The following CAMK4 variants were observed in gnomAD, a reference collection of about 807,000 sequenced individuals.
CAMK4 encodes the protein calcium/calmodulin-dependent protein kinase type IV.
CAMK4 carries 22 observed loss-of-function variants against 44.9 expected under a neutral mutation model. The ratio of observed to expected loss-of-function variants is 0.49; its 90% confidence interval spans 0.35 to 0.70. The LOEUF (loss-of-function observed/expected upper bound fraction) is 0.70, where lower values mean the gene tolerates loss of function less well. CAMK4 is among the 30% of genes least tolerant of loss of function. The pLI, the probability that CAMK4 is intolerant of heterozygous loss-of-function variation, is 0.01. For missense variants in CAMK4, 498 were observed against 586.8 expected (o/e 0.85, Z 1.56); for synonymous variants, 218 against 215.4 (o/e 1.01, Z -0.11).
intron 5 of CAMK4, among the ~76,000 whole-genome samples, chr5:111,417,408 G>C (rs1419882723): frequency 6.6e-6 from 1 of 152,040 alleles, no homozygotes; most frequent in East Asian, 1.9e-4. Flanking sequence ...TAGAGATGGG[G>C]TTTCACCATG....
chr5:111,418,841 G>T (rs1471896118), intron 5 of CAMK4, among the ~76,000 whole-genome samples: 2 of 152,074 alleles, frequency 1.3e-5, no homozygotes, highest in Non-Finnish European at 2.9e-5. Flanking sequence ...CCAGTCTATT[G>T]TTGTTGGACA....
At chr5:111,275,172 T>C (rs1750704607) in intron 1 of CAMK4, among the ~76,000 whole-genome samples, 2 of 152,154 alleles carry the variant, frequency 1.3e-5, no homozygotes, top group South Asian at 4.1e-4. Flanking sequence ...TTTTGAAATA[T>C]ACAATACATT....
chr5:111,300,863 G>A (rs1219093951), intron 1 of CAMK4, among the ~76,000 whole-genome samples: 1 of 152,148 alleles, frequency 6.6e-6, no homozygotes, highest in Non-Finnish European at 1.5e-5. Context: ...TTAGTCAAAT[G>A]GATATGCAGA....
intron 7 of CAMK4, among the ~76,000 whole-genome samples, chr5:111,465,431 A>G (rs146014101): frequency 2.6e-5 from 4 of 152,308 alleles, no homozygotes; most frequent in African/African-American, 7.2e-5. Context: ...GTTCTTTAAA[A>G]TAATAATTAA....
At chr5:111,326,508 C>T (rs1304550781) in intron 1 of CAMK4, among the ~76,000 whole-genome samples, 4 of 151,360 alleles carry the variant, frequency 2.6e-5, no homozygotes. Context: ...TTGAATTCTA[C>T]AAAAGCCTTA....
chr5:111,263,157 A>G (rs941187445), intron 1 of CAMK4, among the ~76,000 whole-genome samples: 4 of 152,220 alleles, frequency 2.6e-5, no homozygotes, highest in Non-Finnish European at 5.9e-5. Flanking sequence ...AATCTTGACT[A>G]TGTCAGGTGA....
chr5:111,339,652 G>C (rs1749556417), intron 1 of CAMK4, among the ~76,000 whole-genome samples: 1 of 151,372 alleles, frequency 6.6e-6, no homozygotes, highest in Non-Finnish European at 1.5e-5. Context: ...TTTGAAATCA[G>C]GTAGTGTGAT....
At chr5:111,310,816 T>G (rs1748171055) in intron 1 of CAMK4, among the ~76,000 whole-genome samples, 2 of 152,166 alleles carry the variant, frequency 1.3e-5, no homozygotes, top group Admixed American at 6.6e-5. Flanking sequence ...TGTTTCTTTT[T>G]GAGTATATGA....
Position 111,491,933 on chromosome 5 carries a change from GCAAA to G in CAMK4, c.*7470_*7473del, listed in dbSNP as rs1451054802. 2 of 152,072 alleles carry G rather than the reference GCAAA, an allele frequency of 1.3e-5. No individual in the cohort carries two copies. The highest frequency in any genetic ancestry group is 4.8e-5 in the African/African-American group (2 of 41,412). 9.4% of individuals were successfully genotyped at this position (152,072 alleles called of 1,614,324 possible). On this transcript the variant is annotated 3_prime_UTR_variant, in exon 11 of 11. Coordinates refer to ENST00000282356, the MANE Select transcript of CAMK4 (RefSeq NM_001744.6). ...TTCTCAACAATAGCTCAGGGAATAC[GCAAA>G]CAGCCAGCTCTTTTATGTAAGAAAG...
Position 111,484,389 on chromosome 5 carries a change from G to A in CAMK4, c.1345G>A (p.Ala449Thr). ...EKLKTVEEAA[A>T]PREGQGSSAV... ...GCTGAAGACTGTGGAGGAGGCAGCA[G>A]CTCCCAGAGAAGGGCAAGGAAGCTC... The change falls in exon 11 of 11, where the codon GCT becomes ACT. Residue 449 changes from alanine (A) to threonine (T), a missense_variant. Around this residue, in one of 3 missense-constraint regions of CAMK4, gnomAD observed 143 missense variants for 144.9 expected, o/e 0.99. Transcript: ENST00000282356. This position sits in a 1 kb window ranked among gnomAD's most constrained non-coding sequence, Gnocchi z 5.3. The A allele has an allele frequency of 6.3e-7, 1 of 1,589,088 alleles. No individual in the cohort carries two copies. The highest frequency in any genetic ancestry group is 1.4e-5 in the African/African-American group (1 of 73,858).
At chr5:111,443,558 A>T (rs1055937690) in intron 5 of CAMK4, among the ~76,000 whole-genome samples, 6 of 151,204 alleles carry the variant, frequency 4.0e-5, no homozygotes, top group African/African-American at 7.3e-5. Flanking sequence ...TCCTTCCTTT[A>T]TCTAGTCTAG....
At chr5:111,285,882 T>A (rs1427684046) in intron 1 of CAMK4, among the ~76,000 whole-genome samples, 1 of 152,220 alleles carries the variant, frequency 6.6e-6, no homozygotes, top group Non-Finnish European at 1.5e-5. Context: ...CATCCATTTC[T>A]CTGATAAAGT....
intron 1 of CAMK4, among the ~76,000 whole-genome samples, chr5:111,245,582 AT>A (rs1749197131): frequency 6.6e-6 from 1 of 152,152 alleles, no homozygotes; most frequent in Admixed American, 6.5e-5. Context: ...GACCCCTTCA[AT>A]TTGGTTTTTT....
At chr5:111,378,966 A>G (rs1306207380) in intron 4 of CAMK4, among the ~76,000 whole-genome samples, 1 of 149,128 alleles carries the variant, frequency 6.7e-6, no homozygotes, top group Non-Finnish European at 1.5e-5. Context: ...CAATATGCCT[A>G]TAATGGCTCC....
At chr5:111,345,935 G>A (rs991989968) in intron 2 of CAMK4, among the ~76,000 whole-genome samples, 1 of 151,966 alleles carries the variant, frequency 6.6e-6, no homozygotes, top group Admixed American at 6.6e-5. Context: ...TAAGGCAGAT[G>A]TTGTCAAACA....
intron 1 of CAMK4, among the ~76,000 whole-genome samples, chr5:111,245,995 A>G (rs1749218410): frequency 6.6e-6 from 1 of 152,228 alleles, no homozygotes. Flanking sequence ...GCCACCATAT[A>G]GAGCAGGGAT....
intron 4 of CAMK4, among the ~76,000 whole-genome samples, chr5:111,383,894 G>GA (rs1751504014): frequency 6.6e-6 from 1 of 152,154 alleles, no homozygotes; most frequent in Non-Finnish European, 1.5e-5. Context: ...AATGAAGCCA[G>GA]ACATGGAAGA....
Position 111,290,338 on chromosome 5 carries a change from T to C in CAMK4, c.162-53686T>C, listed in dbSNP as rs999406492. Among the ~76,000 whole-genome samples the C allele has an allele frequency of 2.0e-5, 3 of 152,152 alleles. No individual in the cohort carries two copies. Among genetic ancestry groups the C allele is most frequent in the African/African-American group, 7.2e-5 (3 of 41,426 alleles). On this transcript the variant is annotated intron_variant, in intron 1 of 10. Transcript: ENST00000282356. The surrounding 1 kb of genome is among the most constrained non-coding windows in gnomAD (Gnocchi z 4.5). The stretch of plus-strand genomic sequence containing the variant: ...TTTGCATCTTCTTGTCATACATTAA[T>C]CCCTAGCCAGAGATTAGAGCCTGAG...
chr5:111,317,671 T>G (rs1416591085), intron 1 of CAMK4, among the ~76,000 whole-genome samples: 1 of 152,042 alleles, frequency 6.6e-6, no homozygotes, highest in African/African-American at 2.4e-5. Context: ...GATGGTCAAG[T>G]AGGCCAAATG....
Sources: gnomAD v4.1 joint callset for allele counts (sites outside exome capture counted in the v4.1 genomes callset) on GRCh38, gnomAD v4.1.1 for gene constraint, gnomAD v4.1.1 regional missense constraint, Gnocchi (gnomAD v3.1) non-coding constraint, MANE v1.5 for transcripts, NCBI Gene and HGNC (gene_info 2026-07-23, HGNC 2026-07-21) for gene names.